The following PTPRD variants were observed in gnomAD, a reference collection of about 807,000 sequenced individuals.
PTPRD encodes the protein protein tyrosine phosphatase receptor type D.
Under a neutral mutation model 214.5 loss-of-function variants are expected in PTPRD, and 34 were observed. The ratio of observed to expected loss-of-function variants is 0.16; its 90% CI spans 0.12 to 0.21. PTPRD has a LOEUF of 0.21. PTPRD is among the 10% of genes least tolerant of loss of function. The probability of loss-of-function intolerance (pLI) is 1.00; values close to 1 mark genes in which losing one functional copy is unlikely to be tolerated. For synonymous variants in PTPRD, 1,128 were observed against 845.7 expected, an observed-to-expected ratio of 1.33 and a Z score of -5.79; for missense variants, 2,545 against 2,398.7, an observed-to-expected ratio of 1.06 and a Z score of -1.27.
intron 36 of PTPRD, among the ~76,000 whole-genome samples, chr9:8,399,421 G>C (rs2091969282): frequency 6.6e-6 from 1 of 152,096 alleles, no homozygotes; most frequent in African/African-American, 2.4e-5. Flanking sequence ...AAAGGATCCA[G>C]CTTCCCCAAA....
intron 5 of PTPRD, among the ~76,000 whole-genome samples, chr9:9,832,928 T>C (rs576521384): frequency 4.7e-4 from 71 of 151,762 alleles, no homozygotes; most frequent in African/African-American, 1.6e-3. Context: ...GGAAAAAAAG[T>C]CCTTATTGTT....
chr9:8,471,454 A>G (rs995187661), intron 30 of PTPRD, among the ~76,000 whole-genome samples: 2 of 152,150 alleles, frequency 1.3e-5, no homozygotes, highest in Non-Finnish European at 2.9e-5. Flanking sequence ...ACATGAATTT[A>G]TAAGAAGATG....
intron 9 of PTPRD, among the ~76,000 whole-genome samples, chr9:9,325,645 C>G (rs1398558459): frequency 1.1e-4 from 16 of 152,130 alleles, no homozygotes; most frequent in Admixed American, 1.0e-3. Flanking sequence ...CAAACAAGGA[C>G]AATTTGACTT....
rs533584152 is a variant in PTPRD, at chr9:10,350,519, A to G, written c.-599-9502T>C. Among the ~76,000 whole-genome samples the G allele has an allele frequency of 2.8e-4, 43 of 152,218 alleles. 1 individual carries two copies. In the South Asian group the frequency reaches 8.7e-3, roughly 31 times the overall value. On this transcript the variant is annotated intron_variant, in intron 2 of 45. Coordinates refer to ENST00000381196, the MANE Select transcript of PTPRD (RefSeq NM_002839.4). ...AGTCTCTCTGCTAAGCTTTTTACATATATTTTGTCATTTAATCCTCATTAC... is the reference window on the plus strand; with the variant it reads ...AGTCTCTCTGCTAAGCTTTTTACATGTATTTTGTCATTTAATCCTCATTAC...
At chr9:9,689,104 T>C (rs1057388803) in intron 7 of PTPRD, among the ~76,000 whole-genome samples, 4 of 151,964 alleles carry the variant, frequency 2.6e-5, no homozygotes, top group Non-Finnish European at 5.9e-5. Context: ...TGAGTGTTTT[T>C]ATCCTTTTCT....
intron 8 of PTPRD, among the ~76,000 whole-genome samples, chr9:9,505,327 G>A (rs745931470): frequency 8.6e-5 from 13 of 151,242 alleles, no homozygotes; most frequent in African/African-American, 2.2e-4. Flanking sequence ...ATATCGTCAC[G>A]TCATTTTTCA....
At chr9:8,387,413 G>C (rs75764319) in intron 37 of PTPRD, among the ~76,000 whole-genome samples, 1 of 152,044 alleles carries the variant, frequency 6.6e-6, no homozygotes, top group Non-Finnish European at 1.5e-5. Context: ...AATTTCATTT[G>C]GTTATTTCAA....
At chr9:9,709,011 T>C (rs2097677616) in intron 7 of PTPRD, among the ~76,000 whole-genome samples, 2 of 151,982 alleles carry the variant, frequency 1.3e-5, no homozygotes, top group South Asian at 2.1e-4. Flanking sequence ...AATAATTATA[T>C]CTTTTCAAGT....
intron 3 of PTPRD, among the ~76,000 whole-genome samples, chr9:10,280,752 G>A (rs2154393822): frequency 6.6e-6 from 1 of 151,322 alleles, no homozygotes; most frequent in East Asian, 2.0e-4. Flanking sequence ...TAGGACTACA[G>A]GCATGCACCA....
chr9:8,833,592 T>C (rs1455602517), intron 11 of PTPRD, among the ~76,000 whole-genome samples: 1 of 151,520 alleles, frequency 6.6e-6, no homozygotes, highest in African/African-American at 2.4e-5. Flanking sequence ...GGTCCATTTT[T>C]CATATTGAAA....
At chr9:9,333,887 T>C (rs116003665) in intron 9 of PTPRD, among the ~76,000 whole-genome samples, 1 of 151,936 alleles carries the variant, frequency 6.6e-6, no homozygotes, top group Non-Finnish European at 1.5e-5. Flanking sequence ...CTGGAACACC[T>C]AATGCTAAAG....
At chr9:9,596,653 G>T (rs1417441357) in intron 7 of PTPRD, among the ~76,000 whole-genome samples, 1 of 151,880 alleles carries the variant, frequency 6.6e-6, no homozygotes, top group Non-Finnish European at 1.5e-5. Context: ...TATAGTCTAG[G>T]GTATGGTTCA....
In PTPRD at chr9:8,536,296, T is replaced by C. The variant is rs2031213; in HGVS notation, c.353-7517A>G. ...ACAAAAGAGTTTGAATACTTGGTCA[T>C]CCTTTACTTTTATTTTTTAAATGGC... On this transcript the variant is annotated intron_variant, in intron 14 of 45. Transcript: ENST00000381196. Among the ~76,000 whole-genome samples the C allele has an allele frequency of 3.2e-3, 484 of 152,074 alleles. 2 individuals are homozygous for C. The highest frequency in any genetic ancestry group is 0.011 in the African/African-American group (448 of 41,536).
At chr9:10,348,113 C>T (rs2097121159) in intron 2 of PTPRD, among the ~76,000 whole-genome samples, 1 of 152,050 alleles carries the variant, frequency 6.6e-6, no homozygotes, top group South Asian at 2.1e-4. Flanking sequence ...ATTTATCTAT[C>T]AAGCACTAAA....
intron 11 of PTPRD, among the ~76,000 whole-genome samples, chr9:8,878,550 A>G (rs1481275187): frequency 6.6e-6 from 1 of 151,746 alleles, no homozygotes; most frequent in Admixed American, 6.6e-5. Context: ...CTTTTGAGAC[A>G]GAGTCTCACT....
chr9:8,834,246 T>C (rs572812424), intron 11 of PTPRD, among the ~76,000 whole-genome samples: 20 of 152,218 alleles, frequency 1.3e-4, no homozygotes, highest in African/African-American at 4.6e-4. Flanking sequence ...GGAAGCTTTC[T>C]TACGTAGATT....
chr9:10,267,678 T>C (rs1170702317), intron 3 of PTPRD, among the ~76,000 whole-genome samples: 1 of 152,228 alleles, frequency 6.6e-6, no homozygotes, highest in Non-Finnish European at 1.5e-5. Context: ...CTTAAATGCT[T>C]ATGCATTTGA....
At chr9:9,909,374 G>A (rs1377862336) in intron 5 of PTPRD, among the ~76,000 whole-genome samples, 5 of 150,442 alleles carry the variant, frequency 3.3e-5, no homozygotes, top group African/African-American at 7.3e-5. Flanking sequence ...ATTGCTGGGG[G>A]CAGGGGCAGC....
intron 2 of PTPRD, among the ~76,000 whole-genome samples, chr9:10,574,817 T>TAC (rs1157751658): frequency 7.5e-6 from 1 of 134,082 alleles, no homozygotes; most frequent in African/African-American, 2.6e-5. Flanking sequence ...TGTGTGCATA[T>TAC]ATATATATAT....
Sources: allele counts gnomAD v4.1 joint callset (sites outside exome capture counted in the v4.1 genomes callset), GRCh38; gene constraint gnomAD v4.1.1; transcripts MANE v1.5; gene names NCBI Gene and HGNC (gene_info 2026-07-23, HGNC 2026-07-21).